TBC1D22A: variants seen among roughly 807,000 people sequenced by gnomAD.
TBC1D22A encodes TBC1 domain family member 22A, also known as putative GTPase activator.
A neutral mutation model predicts 60.2 loss-of-function variants in TBC1D22A; 38 were observed. That is an observed-to-expected ratio of 0.63 (90% CI 0.49 to 0.83). The LOEUF (loss-of-function observed/expected upper bound fraction) is 0.83. Ranked by LOEUF, TBC1D22A falls within the 40% of genes least tolerant of loss-of-function variation. The probability of loss-of-function intolerance (pLI) is 0.00; values close to 1 mark genes in which losing one functional copy is unlikely to be tolerated. For synonymous variants in TBC1D22A, 302 were observed against 281.7 expected, an observed-to-expected ratio of 1.07 and a Z score of -0.72; for missense variants, 628 against 701.0, an observed-to-expected ratio of 0.90 and a Z score of 1.18.
intron 1 of TBC1D22A, chr22:46,764,187 G>T (rs775788637): frequency 1.3e-5 from 2 of 152,202 alleles, no homozygotes; most frequent in African/African-American, 4.8e-5. Flanking sequence ...AGAATGAAGG[G>T]AGTCATCAAA....
At chr22:46,914,613 A>G (rs1283597465) in intron 8 of TBC1D22A, 2 of 152,150 alleles carry the variant, frequency 1.3e-5, no homozygotes, top group Non-Finnish European at 2.9e-5. Flanking sequence ...CAGATTCCTT[A>G]TGGGGCTGAA....
At chr22:46,829,673 G>C (rs1485832996) in intron 4 of TBC1D22A, among the ~76,000 whole-genome samples, 1 of 152,346 alleles carries the variant, frequency 6.6e-6, no homozygotes, top group East Asian at 1.9e-4. Flanking sequence ...GGTAGGGAAT[G>C]CTAATGCAGC....
At chr22:47,148,048 G>A (rs758133526) in intron 12 of TBC1D22A, among the ~76,000 whole-genome samples, 10 of 152,332 alleles carry the variant, frequency 6.6e-5, no homozygotes, top group Non-Finnish European at 1.3e-4. Context: ...GATCCCAGAG[G>A]TGCCTCAGGG....
intron 7 of TBC1D22A, among the ~76,000 whole-genome samples, chr22:46,907,079 C>CTGTG (rs10627808): frequency 6.6e-6 from 1 of 151,330 alleles, no homozygotes; most frequent in Admixed American, 6.6e-5. Flanking sequence ...GTGTGCTCTT[C>CTGTG]TGTGTGTGTG....
chr22:46,788,232 G>A (rs1322480053), intron 1 of TBC1D22A, among the ~76,000 whole-genome samples: 4 of 152,030 alleles, frequency 2.6e-5, no homozygotes, highest in South Asian at 4.1e-4. Flanking sequence ...CACCACGCCC[G>A]GCCAGGCAGG....
intron 12 of TBC1D22A, among the ~76,000 whole-genome samples, chr22:47,152,986 A>C (rs1401226343): frequency 6.6e-6 from 1 of 152,218 alleles, no homozygotes; most frequent in Admixed American, 6.5e-5. Flanking sequence ...AGCCGATTTC[A>C]TTCTGATATT....
At chr22:46,847,918 G>GGTGTGTGTGT (rs58012028) in intron 4 of TBC1D22A, among the ~76,000 whole-genome samples, 25 of 134,208 alleles carry the variant, frequency 1.9e-4, no homozygotes, top group African/African-American at 7.1e-4. Flanking sequence ...TACCCTAGTG[G>GGTGTGTGTGT]GTGTGTGTGT....
intron 5 of TBC1D22A, among the ~76,000 whole-genome samples, chr22:46,890,577 C>T (rs1299315538): frequency 6.6e-6 from 1 of 152,056 alleles, no homozygotes; most frequent in African/African-American, 2.4e-5. Flanking sequence ...TACTTAGGGA[C>T]AACTATATAT....
chr22:47,158,259 G>GC (rs2067803114), intron 12 of TBC1D22A, among the ~76,000 whole-genome samples: 1 of 152,230 alleles, frequency 6.6e-6, no homozygotes, highest in African/African-American at 2.4e-5. Context: ...TCAGCTCTAC[G>GC]TGACCCAGAC....
chr22:46,971,928 C>G (rs4435), intron 8 of TBC1D22A, among the ~76,000 whole-genome samples: 5,112 of 152,288 alleles, frequency 0.034, 123 homozygotes, highest in Non-Finnish European at 0.051. Context: ...AGCCTGCAGC[C>G]CGGCAGGGAG....
chr22:47,158,921 C>T lies in TBC1D22A; in HGVS notation c.1426-14577C>T, dbSNP rs2067829213. Among the ~76,000 whole-genome samples the T allele has an allele frequency of 2.6e-5, 4 of 151,972 alleles. No individual in the cohort carries two copies. The South Asian group carries it at 6.2e-4, about 24-fold the overall frequency. ...CCACAGTTACCACATAAATACACAT[C>T]ACATGCACTCACCATGTACACACAC... On this transcript the variant is annotated intron_variant, in intron 12 of 12. Transcript: ENST00000337137.
At chr22:46,771,197 A>G (rs1453576908) in intron 1 of TBC1D22A, among the ~76,000 whole-genome samples, 3 of 152,170 alleles carry the variant, frequency 2.0e-5, no homozygotes, top group African/African-American at 7.2e-5. Flanking sequence ...TTATTTATTT[A>G]TTTGTTTCTT....
chr22:46,768,057 G>A (rs77669889), intron 1 of TBC1D22A: 11,392 of 153,012 alleles, frequency 0.074, 614 homozygotes, highest in Non-Finnish European at 0.11. Context: ...GATTGGAGGC[G>A]TTGGGAGTCG....
At chr22:46,830,617 T>C (rs1181100989) in intron 4 of TBC1D22A, among the ~76,000 whole-genome samples, 1 of 152,230 alleles carries the variant, frequency 6.6e-6, no homozygotes, top group Non-Finnish European at 1.5e-5. Context: ...GTGGGCCAGC[T>C]GATGGCACAA....
chr22:47,128,445 G>A (rs561572867), intron 12 of TBC1D22A, among the ~76,000 whole-genome samples: 56 of 144,776 alleles, frequency 3.9e-4, no homozygotes, highest in African/African-American at 1.3e-3. Context: ...CCTGGCTTCC[G>A]GTGCCCCCAG....
Position 46,941,372 on chromosome 22 carries a change from T to TACAGAATATATATACGGAATATATATAC in TBC1D22A, c.1015+29208_1015+29235dup, listed in dbSNP as rs2072051182. The stretch of plus-strand genomic sequence containing the variant: ...ATAGAATATATATACAGAATATATA[T>TACAGAATATATATACGGAATATATATAC]ACAGAATATATATACGGAATATATA... On this transcript the variant is annotated intron_variant, in intron 8 of 12. Transcript: ENST00000337137. Among the ~76,000 whole-genome samples the TACAGAATATATATACGGAATATATATAC allele has an allele frequency of 3.4e-5, 5 of 147,806 alleles. No homozygotes were observed. The Admixed American group carries it at 3.4e-4, about 10-fold the overall frequency.
intron 12 of TBC1D22A, among the ~76,000 whole-genome samples, chr22:47,121,879 T>G (rs1601583078): frequency 6.6e-6 from 1 of 152,214 alleles, no homozygotes; most frequent in African/African-American, 2.4e-5. Flanking sequence ...TTCTCTGCCC[T>G]TCTTCTAGGA....
In TBC1D22A at chr22:47,080,079, C is replaced by T. The variant is rs1378786203; in HGVS notation, c.1330-31429C>T. Reference sequence around the variant, plus strand: ...TGATAAAAGATCTGTTAACCAAAAACGTATAAACTACCCTAAATGTGTTAA... The same window carrying T: ...TGATAAAAGATCTGTTAACCAAAAATGTATAAACTACCCTAAATGTGTTAA... On this transcript the variant is annotated intron_variant, in intron 11 of 12. Coordinates refer to ENST00000337137, the MANE Select transcript of TBC1D22A (RefSeq NM_014346.5). Among the ~76,000 whole-genome samples, 9 of 152,264 alleles carry T rather than the reference C, an allele frequency of 5.9e-5. No homozygotes were observed. The South Asian group carries it at 1.0e-3, about 18-fold the overall frequency.
At chr22:46,812,610 G>A (rs1013717596) in intron 4 of TBC1D22A, among the ~76,000 whole-genome samples, 3 of 152,192 alleles carry the variant, frequency 2.0e-5, no homozygotes, top group African/African-American at 4.8e-5. Context: ...GGTTTAGCTC[G>A]ATGGGGGTTT....
Sources: gnomAD v4.1 joint callset for allele counts (sites outside exome capture counted in the v4.1 genomes callset) on GRCh38, gnomAD v4.1.1 for gene constraint, MANE v1.5 for transcripts, NCBI Gene and HGNC (gene_info 2026-07-23, HGNC 2026-07-21) for gene names.